Variants in EPHB6 observed in about 807,000 individuals in gnomAD.
EPHB6 encodes the protein ephrin type-B receptor 6.
Under a neutral mutation model 107.0 loss-of-function variants are expected in EPHB6, and 51 were observed. That is an observed-to-expected ratio of 0.48 (90% CI 0.38 to 0.60). EPHB6 has a LOEUF of 0.60. Among genes scored for constraint, EPHB6 ranks in the 20% least tolerant of loss-of-function variants. The pLI, the probability that EPHB6 is intolerant of heterozygous loss-of-function variation, is 0.00. For synonymous variants in EPHB6, 553 were observed against 549.0 expected (o/e 1.01, Z -0.10); for missense variants, 1,141 against 1,355.5 (o/e 0.84, Z 2.48).
In EPHB6 at chr7:142,868,601, C is replaced by G. The variant is rs150891221; in HGVS notation, c.2148C>G (p.Thr716=). Residue 716 remains threonine, a synonymous_variant, in exon 15 of 20, where the codon ACC becomes ACG. Transcript: ENST00000652003. This position sits in a 1 kb window ranked among gnomAD's most constrained non-coding sequence, Gnocchi z 4.2. The part of the protein sequence containing the change: ...WAGGAESLQM[T]FLGRAAVLGQ... ...GGGGCGCCGAAAGCCTGCAGATGACCTTCCTGGGCCGGGCCGCAGTGCTGG... is the reference window on the plus strand; with the variant it reads ...GGGGCGCCGAAAGCCTGCAGATGACGTTCCTGGGCCGGGCCGCAGTGCTGG... 1 of 1,613,680 alleles carries G rather than the reference C, an allele frequency of 6.2e-7. No individual in the cohort carries two copies. Among genetic ancestry groups the G allele is most frequent in the Non-Finnish European group, 8.5e-7 (1 of 1,179,978 alleles).
chr7:142,864,758 C>T lies in EPHB6; in HGVS notation c.949+9C>T. 2 of 1,612,734 alleles carry T rather than the reference C, an allele frequency of 1.2e-6. No individual in the cohort carries two copies. Among genetic ancestry groups the T allele is most frequent in the Non-Finnish European group, 1.7e-6 (2 of 1,180,018 alleles). On this transcript the variant is annotated intron_variant, in intron 7 of 19. Transcript: ENST00000652003. Reference sequence around the variant, plus strand: ...AGACAAGGCCTGCCAAGGTGAGAGCCCACTCGTCTTGCACTTGCCCGACAC... The same window carrying T: ...AGACAAGGCCTGCCAAGGTGAGAGCTCACTCGTCTTGCACTTGCCCGACAC...
intron 1 of EPHB6, among the ~76,000 whole-genome samples, chr7:142,858,150 G>A (rs1421190944): frequency 6.6e-6 from 1 of 152,044 alleles, no homozygotes; most frequent in East Asian, 1.9e-4. Context: ...TTATGTGTAA[G>A]ACAAAATTAA....
At position 142,865,496 on chromosome 7, in the gene EPHB6, A is replaced by T; in HGVS notation, c.971A>T (p.Lys324Met). The change falls in exon 8 of 20, where the codon AAG becomes ATG. Residue 324 changes from lysine to methionine, a missense_variant. By Grantham distance (95) the Lys-to-Met change is moderately conservative (BLOSUM62 -1). This residue lies in a region of EPHB6 where 304 missense variants were observed against 295.7 expected (regional missense o/e 1.03). Transcript: ENST00000652003. Reference protein sequence around the residue: ...ACQACPRGLYKASAGNAPCSP... With the variant: ...ACQACPRGLYMASAGNAPCSP... ...TCAGCCTGCCCACGGGGGCTCTATA[A>T]GGCTTCTGCTGGGAATGCTCCCTGC... 3.7e-6 allele frequency: 6 copies of T among 1,613,288 alleles called. No individual in the cohort carries two copies. In the South Asian group the frequency reaches 6.6e-5, roughly 18 times the overall value.
At position 142,868,208 on chromosome 7, in the gene EPHB6, A is replaced by G; in HGVS notation, c.1919-33A>G. ...GTGCGCGGGCAGCCCTGCCTTTCAC[A>G]ACACGCTCATAACATACTCCACACC... On this transcript the variant is annotated intron_variant, in intron 13 of 19. Transcript: ENST00000652003. The surrounding 1 kb of genome is among the most constrained non-coding windows in gnomAD (Gnocchi z 4.2). 6.2e-7 allele frequency: 1 copy of G among 1,614,076 alleles called. No homozygotes were observed. The highest frequency in any genetic ancestry group is 1.1e-5 in the South Asian group (1 of 91,082).
rs8177176 is a variant in EPHB6 at position 142,868,906 on chromosome 7, T to C, written c.2287-68T>C. On this transcript the variant is annotated intron_variant, in intron 15 of 19. Coordinates refer to ENST00000652003, the MANE Select transcript of EPHB6 (RefSeq NM_004445.6). This position sits in a 1 kb window ranked among gnomAD's most constrained non-coding sequence, Gnocchi z 4.2. ...CTCCCGCTCTCATGCTGTTGTCTGCTATGCAGTATGTTGAGGTCTCCCCCT... is the reference window on the plus strand; with the variant it reads ...CTCCCGCTCTCATGCTGTTGTCTGCCATGCAGTATGTTGAGGTCTCCCCCT... 7 of 1,552,118 alleles carry C rather than the reference T, an allele frequency of 4.5e-6. No individual in the cohort carries two copies. Among genetic ancestry groups the C allele is most frequent in the East Asian group, 2.4e-5 (1 of 42,338 alleles).
Position 142,866,583 on chromosome 7 carries a change from A to G in EPHB6, c.1565A>G (p.Tyr522Cys), listed in dbSNP as rs1794614526. Residue 522 changes from tyrosine (Y) to cysteine (C), a missense_variant, in exon 10 of 20, where the codon TAT (tyrosine) becomes TGT (cysteine). Transcript: ENST00000652003. This position sits in a 1 kb window ranked among gnomAD's most constrained non-coding sequence, Gnocchi z 5.2. ...PDQTNGNILD[Y>C]QLRYYDQAED... The stretch of plus-strand genomic sequence containing the variant: ...CAGACCAATGGGAACATCCTGGACT[A>G]TCAGCTCCGCTACTATGACCAGGTG... 1.9e-6 allele frequency: 3 copies of G among 1,613,948 alleles called. No homozygotes were observed. The highest frequency in any genetic ancestry group is 1.7e-6 in the Non-Finnish European group (2 of 1,180,026).
In EPHB6 at chr7:142,870,237, G is replaced by T; in HGVS notation, c.2634G>T (p.Glu878Asp). 2 of 1,614,202 alleles carry T rather than the reference G, an allele frequency of 1.2e-6. No homozygotes were observed. The highest frequency in any genetic ancestry group is 8.5e-7 in the Non-Finnish European group (1 of 1,180,034). ...EQEVLNAIEQ[E>D]FRLPPPPGCP... ...AGGTACTAAATGCAATAGAGCAGGA[G>T]TTCCGGCTGCCCCCGCCTCCAGGCT... Residue 878 changes from glutamate (E) to aspartate (D), a missense_variant, in exon 18 of 20, where the codon GAG (glutamate) becomes GAT (aspartate). Transcript: ENST00000652003.
chr7:142,871,005 C>T lies in EPHB6; in HGVS notation c.*101C>T, dbSNP rs977227894. 7 of 1,087,984 alleles carry T rather than the reference C, an allele frequency of 6.4e-6. No homozygotes were observed. The highest frequency in any genetic ancestry group is 9.3e-6 in the Non-Finnish European group (7 of 748,830). The allele number at this position is 1,087,984 out of a possible 1,614,324, so 67.4% of individuals were successfully genotyped here. On this transcript the variant is annotated 3_prime_UTR_variant, in exon 20 of 20. Coordinates refer to ENST00000652003, the MANE Select transcript of EPHB6 (RefSeq NM_004445.6). The stretch of plus-strand genomic sequence containing the variant: ...AGCCTCTGTGAGAGATGCCCCACAC[C>T]AAACCCAACCCTCCCGATGGCTGCA...
chr7:142,870,525 C>G lies in EPHB6; in HGVS notation c.2805-5C>G, dbSNP rs772227783. The G allele has an allele frequency of 3.1e-6, 5 of 1,614,014 alleles. No homozygotes were observed. Among genetic ancestry groups the G allele is most frequent in the Middle Eastern group, 1.6e-4 (1 of 6,084 alleles). On this transcript the variant is annotated splice_region_variant and splice_polypyrimidine_tract_variant and intron_variant, in intron 18 of 19. Transcript: ENST00000652003. ...CCTTGACCCTGCTTGCCCCTCCCCT[C>G]TTAGGCCTTCCCAGGCCCTTCTGAC...
In EPHB6 at chr7:142,867,822, T is replaced by C. The variant is rs1178936228; in HGVS notation, c.1865+100T>C. 1 of 1,423,718 alleles carries C rather than the reference T, an allele frequency of 7.0e-7. No homozygotes were observed. The highest frequency in any genetic ancestry group is 9.7e-7 in the Non-Finnish European group (1 of 1,034,868). 88.2% of individuals were successfully genotyped at this position (1,423,718 alleles called of 1,614,324 possible). On this transcript the variant is annotated intron_variant, in intron 12 of 19. Transcript: ENST00000652003. The surrounding 1 kb of genome is among the most constrained non-coding windows in gnomAD (Gnocchi z 5.3). ...GGAGCCCCCTGCAGAAACCTCACACTGGTGCTCCTCCCGTCAGCCAGCCCC... is the reference window on the plus strand; with the variant it reads ...GGAGCCCCCTGCAGAAACCTCACACCGGTGCTCCTCCCGTCAGCCAGCCCC...
At position 142,870,589 on chromosome 7, in the gene EPHB6, A is replaced by G; in HGVS notation, c.2864A>G (p.Gln955Arg). Residue 955 changes from glutamine (Q) to arginine (R), a missense_variant, in exon 19 of 20, where the codon CAG becomes CGG. Around this residue, in one of 3 missense-constraint regions of EPHB6, gnomAD observed 616 missense variants for 759.3 expected, o/e 0.81. Transcript: ENST00000652003. ...GACTTTCCTTGTCTGGACTCACCCC[A>G]GGCCTGGCTTTCAGCCATTGGACTG... ...ALDFPCLDSPQAWLSAIGLEC... is the reference protein window; with the variant it reads ...ALDFPCLDSPRAWLSAIGLEC... 6.2e-7 allele frequency: 1 copy of G among 1,614,204 alleles called. No individual in the cohort carries two copies. Among genetic ancestry groups the G allele is most frequent in the Non-Finnish European group, 8.5e-7 (1 of 1,180,038 alleles).
chr7:142,862,717 C>T (rs1478995211), intron 3 of EPHB6, 39 bp from the exon 4 acceptor site: 1 of 154,598 alleles, frequency 6.5e-6, no homozygotes, highest in Non-Finnish European at 1.4e-5. Flanking sequence ...GCTTCTTAAC[C>T]AGCTGCCTTT....
At chr7:142,859,202 AG>A (rs1010537698) in intron 1 of EPHB6, among the ~76,000 whole-genome samples, 6 of 152,200 alleles carry the variant, frequency 3.9e-5, no homozygotes, top group African/African-American at 1.4e-4. Flanking sequence ...GAGAGGAGCA[AG>A]GGGCCTGGCT....
rs988669335 is a variant in EPHB6 at position 142,868,134 on chromosome 7, G to T, written c.1918+85G>T. 1.1e-5 allele frequency: 17 copies of T among 1,613,554 alleles called. No individual in the cohort carries two copies. Among genetic ancestry groups the T allele is most frequent in the Non-Finnish European group, 1.4e-5 (17 of 1,179,700 alleles). Reference sequence around the variant, plus strand: ...GGCAAGGCTGGATCCCCCCAAGATTGGGGGAGCTCCTTGGCACAACCTTCT... The same window carrying T: ...GGCAAGGCTGGATCCCCCCAAGATTTGGGGAGCTCCTTGGCACAACCTTCT... On this transcript the variant is annotated intron_variant, in intron 13 of 19. Transcript: ENST00000652003. The surrounding 1 kb of genome is among the most constrained non-coding windows in gnomAD (Gnocchi z 4.2).
chr7:142,864,341 G>A lies in EPHB6; in HGVS notation c.541G>A (p.Ala181Thr), dbSNP rs2116421516. Reference protein sequence around the residue: ...SSSSSSSAAWAVGPHGAGQRA... With the variant: ...SSSSSSSAAWTVGPHGAGQRA... ...CTCCTCTTCTTCCTCTGCAGCGTGG[G>A]CTGTGGGACCCCACGGGGCTGGGCA... is the stretch of plus-strand genomic sequence containing the variant. The change falls in exon 7 of 20, where the codon GCT (alanine) becomes ACT (threonine). Residue 181 changes from alanine (A) to threonine (T), a missense_variant. Around this residue, in one of 3 missense-constraint regions of EPHB6, gnomAD observed 221 missense variants for 300.5 expected, o/e 0.74. Transcript: ENST00000652003. The A allele has an allele frequency of 6.2e-7, 1 of 1,613,394 alleles. No individual in the cohort carries two copies. Among genetic ancestry groups the A allele is most frequent in the Non-Finnish European group, 8.5e-7 (1 of 1,180,026 alleles).
In EPHB6 at chr7:142,863,248, C is replaced by T. The variant is rs779661993; in HGVS notation, c.21C>T (p.Ala7=). The T allele has an allele frequency of 3.1e-6, 5 of 1,613,964 alleles. No individual in the cohort carries two copies. The Admixed American group carries it at 8.3e-5, about 27-fold the overall frequency. The change falls in exon 5 of 20, where the codon GCC becomes GCT. Residue 7 remains alanine (A), a synonymous_variant. Transcript: ENST00000652003. ...GTCCCATGGCTACTGAAGGGGCTGC[C>T]CAGTTAGGGAACAGAGTGGCGGGCA... is the stretch of plus-strand genomic sequence containing the variant. MATEGA[A]QLGNRVAGMV...
At chr7:142,870,714 A>C in intron 19 of EPHB6, 29 bp downstream of exon 19, 1 of 1,614,028 alleles carries the variant, frequency 6.2e-7, no homozygotes, top group Non-Finnish European at 8.5e-7. Context: ...GGTGGGGGCG[A>C]ATGCTCCAGG....
rs952504692 is a variant in EPHB6, at chr7:142,855,183, C to G, written c.-634C>G. On this transcript the variant is annotated 5_prime_UTR_variant, in exon 1 of 20. Transcript: ENST00000652003. The surrounding 1 kb of genome is among the most constrained non-coding windows in gnomAD (Gnocchi z 4.2). ...GGGCCCCCAGGATCTCCCGGCGCCC[C>G]ACCTCTGGAGCAGCCCCTGCCGCCA... The G allele has an allele frequency of 7.9e-5, 12 of 152,354 alleles. No individual in the cohort carries two copies. Among genetic ancestry groups the G allele is most frequent in the African/African-American group, 2.9e-4 (12 of 41,562 alleles). The allele number at this position is 152,354 out of a possible 1,614,324, so 9.4% of individuals were successfully genotyped here.
Position 142,870,921 on chromosome 7 carries a change from G to A in EPHB6, c.*17G>A, listed in dbSNP as rs189772974. 146 of 1,607,456 alleles carry A rather than the reference G, an allele frequency of 9.1e-5. 2 individuals are homozygous for A. The Middle Eastern group carries it at 1.3e-3, about 15-fold the overall frequency. ...GAGGTCTGAGAATGACGATACCCGT[G>A]ACTCAGCCCTGGACACTGGTCCGAG... On this transcript the variant is annotated 3_prime_UTR_variant, in exon 20 of 20. Coordinates refer to ENST00000652003, the MANE Select transcript of EPHB6 (RefSeq NM_004445.6).
Sources: allele counts gnomAD v4.1 joint callset (sites outside exome capture counted in the v4.1 genomes callset), GRCh38; gene constraint gnomAD v4.1.1; regional missense constraint gnomAD v4.1.1; non-coding constraint Gnocchi (gnomAD v3.1); transcripts MANE v1.5; gene names NCBI Gene and HGNC (gene_info 2026-07-23, HGNC 2026-07-21).